ADD3: variants seen among roughly 807,000 people sequenced by gnomAD.
ADD3 encodes the protein adducin 3.
ADD3 carries 25 observed loss-of-function variants against 80.2 expected under a neutral mutation model. The ratio of observed to expected loss-of-function variants is 0.31; its 90% CI spans 0.23 to 0.44. The LOEUF (loss-of-function observed/expected upper bound fraction) is 0.44, where lower values mean the gene tolerates loss of function less well. Ranked by LOEUF, ADD3 falls within the 20% of genes least tolerant of loss-of-function variation. The pLI is 1.00. For missense variants in ADD3, 829 were observed against 847.5 expected (o/e 0.98, Z 0.27); for synonymous variants, 284 against 289.6 (o/e 0.98, Z 0.20).
rs111933000 is a variant in ADD3 at position 110,129,369 on chromosome 10, G to A, written c.1609-994G>A. ...TCTCCATGTTGGTCAGGCTAGTCTC[G>A]AACTCTGGACCTCAGGTGATCTGCT... is the stretch of plus-strand genomic sequence containing the variant. On this transcript the variant is annotated intron_variant, in intron 12 of 14. Coordinates refer to ENST00000356080, the MANE Select transcript of ADD3 (RefSeq NM_016824.5). Among the ~76,000 whole-genome samples, 52 of 151,984 alleles carry A rather than the reference G, an allele frequency of 3.4e-4. No individual in the cohort carries two copies. The East Asian group carries it at 5.2e-3, about 15-fold the overall frequency.
chr10:110,108,493 C>T (rs1262527629), intron 2 of ADD3, among the ~76,000 whole-genome samples: 1 of 151,990 alleles, frequency 6.6e-6, no homozygotes, highest in African/African-American at 2.4e-5. Flanking sequence ...TGTGGTGAGA[C>T]TCAAATATAT....
chr10:110,112,885 T>C lies in ADD3; in HGVS notation c.304T>C (p.Ser102Pro), dbSNP rs41291886. ...QQIADYIMAN[S>P]FSGFSSPPLS... Reference sequence around the variant, plus strand: ...GATTGCAGATTACATCATGGCCAATTCTTTCTCGGGTTTTTCTTCACCTCC... The same window carrying C: ...GATTGCAGATTACATCATGGCCAATCCTTTCTCGGGTTTTTCTTCACCTCC... Residue 102 changes from serine (S) to proline (P), a missense_variant, in exon 3 of 15, where the codon TCT (serine) becomes CCT (proline). Transcript: ENST00000356080. The C allele has an allele frequency of 2.3e-3, 3,702 of 1,613,978 alleles. 55 individuals are homozygous for C. In the African/African-American group the frequency reaches 0.04, roughly 18 times the overall value.
chr10:110,133,678 T>C lies in ADD3; in HGVS notation c.*60T>C, dbSNP rs1853360833. The C allele has an allele frequency of 1.5e-6, 2 of 1,345,720 alleles. No individual in the cohort carries two copies. The highest frequency in any genetic ancestry group is 3.1e-5 in the South Asian group (2 of 64,360). The allele number at this position is 1,345,720 out of a possible 1,614,324, so 83.4% of individuals were successfully genotyped here. On this transcript the variant is annotated 3_prime_UTR_variant, in exon 15 of 15. Transcript: ENST00000356080. ...TGACATTGCACATCTAAATACCACATTTAAGTTGATCATTAATATGCAATG... is the reference window on the plus strand; with the variant it reads ...TGACATTGCACATCTAAATACCACACTTAAGTTGATCATTAATATGCAATG...
chr10:110,003,302 G>GGGGGGTGTGTGTGTGTGTGT (rs140966434), upstream of ADD3, among the ~76,000 whole-genome samples: 21 of 147,028 alleles, frequency 1.4e-4, no homozygotes, highest in African/African-American at 3.6e-4. Flanking sequence ...GAACAGTAAG[G>GGGGGGTGTGTGTGTGTGTGT]GTGTGTGTGT....
At chr10:110,063,416 C>G (rs1486844889) in intron 1 of ADD3, among the ~76,000 whole-genome samples, 1 of 152,016 alleles carries the variant, frequency 6.6e-6, no homozygotes, top group Non-Finnish European at 1.5e-5. Flanking sequence ...GTTGATATTA[C>G]ATGGATCACT....
intron 1 of ADD3, among the ~76,000 whole-genome samples, chr10:110,099,408 C>T (rs988913800): frequency 6.6e-6 from 1 of 152,134 alleles, no homozygotes; most frequent in African/African-American, 2.4e-5. Flanking sequence ...TTCTCCCTTC[C>T]GTTTCCTTCC....
At chr10:110,043,729 TG>T (rs1856616234) in intron 1 of ADD3, among the ~76,000 whole-genome samples, 1 of 152,182 alleles carries the variant, frequency 6.6e-6, no homozygotes, top group Non-Finnish European at 1.5e-5. Flanking sequence ...ATAAACACTA[TG>T]GGGGATACAA....
chr10:110,124,490 T>A (rs1851894693), intron 10 of ADD3, among the ~76,000 whole-genome samples: 1 of 152,230 alleles, frequency 6.6e-6, no homozygotes, highest in Non-Finnish European at 1.5e-5. Context: ...TGTTTTTCTA[T>A]TTTATAGATG....
chr10:110,133,554 A>C lies in ADD3; in HGVS notation c.2057A>C (p.Lys686Thr). The change falls in exon 15 of 15, where the codon AAG (lysine) becomes ACG (threonine). Residue 686 changes from lysine to threonine, a missense_variant. Lys to Thr is a moderately conservative substitution (Grantham distance 78). Transcript: ENST00000356080. The stretch of plus-strand genomic sequence containing the variant: ...CCTTCAAAATCGCCATCCAAGAAAA[A>C]GAAGAAATTCCGCACTCCTTCTTTT... ...GSPSKSPSKK[K>T]KKFRTPSFLK... 1.2e-6 allele frequency: 2 copies of C among 1,611,678 alleles called. No homozygotes were observed. The highest frequency in any genetic ancestry group is 1.7e-6 in the Non-Finnish European group (2 of 1,179,190).
chr10:110,009,543 TA>T (rs1455932797), intron 1 of ADD3, among the ~76,000 whole-genome samples: 1 of 152,222 alleles, frequency 6.6e-6, no homozygotes, highest in Non-Finnish European at 1.5e-5. Flanking sequence ...TTAAGTTACT[TA>T]ACCCTATAAA....
chr10:110,060,459 G>A (rs1858746021), intron 1 of ADD3, among the ~76,000 whole-genome samples: 1 of 152,182 alleles, frequency 6.6e-6, no homozygotes, highest in Non-Finnish European at 1.5e-5. Flanking sequence ...GGATATTTTA[G>A]CCTAGTGCTA....
intron 1 of ADD3, among the ~76,000 whole-genome samples, chr10:110,011,734 A>G (rs1330542493): frequency 6.6e-6 from 1 of 152,274 alleles, no homozygotes; most frequent in Non-Finnish European, 1.5e-5. Flanking sequence ...TTAATTGGAC[A>G]GTCCTAGACT....
intron 1 of ADD3, among the ~76,000 whole-genome samples, chr10:110,073,913 C>T (rs1845076543): frequency 6.6e-6 from 1 of 151,528 alleles, no homozygotes; most frequent in Non-Finnish European, 1.5e-5. Context: ...ACAGTTTAGA[C>T]AGACCTTTTT....
chr10:110,038,424 G>T (rs1331452921), intron 1 of ADD3, among the ~76,000 whole-genome samples: 2 of 152,184 alleles, frequency 1.3e-5, no homozygotes, highest in Admixed American at 6.6e-5. Context: ...TCAAATCTGG[G>T]ACAGCAGCGT....
chr10:110,011,577 T>G (rs181450536), intron 1 of ADD3, among the ~76,000 whole-genome samples: 2 of 152,238 alleles, frequency 1.3e-5, no homozygotes, highest in African/African-American at 4.8e-5. Flanking sequence ...AAACACTGTT[T>G]TTGTTATAAT....
At chr10:110,003,558 G>A (rs962919836), upstream of ADD3, among the ~76,000 whole-genome samples, 1 of 152,076 alleles carries the variant, frequency 6.6e-6, no homozygotes, top group African/African-American at 2.4e-5. Flanking sequence ...GGTACAGCAC[G>A]TATTATAATC....
At chr10:110,067,085 G>A (rs932423799) in intron 1 of ADD3, among the ~76,000 whole-genome samples, 1 of 152,168 alleles carries the variant, frequency 6.6e-6, no homozygotes, top group Non-Finnish European at 1.5e-5. Context: ...GAAAGCAAAT[G>A]CTTGTTAACT....
intron 2 of ADD3, among the ~76,000 whole-genome samples, chr10:110,104,969 T>C (rs1849249554): frequency 6.6e-6 from 1 of 152,224 alleles, no homozygotes; most frequent in African/African-American, 2.4e-5. Context: ...TATATGTTTT[T>C]ATATCATCTT....
intron 1 of ADD3, among the ~76,000 whole-genome samples, chr10:110,054,909 T>C (rs896933142): frequency 1.3e-5 from 2 of 150,810 alleles, no homozygotes; most frequent in Admixed American, 6.6e-5. Flanking sequence ...CCACCGCGCC[T>C]GGCCTCCATG....
Sources: gnomAD v4.1 joint callset for allele counts (sites outside exome capture counted in the v4.1 genomes callset) on GRCh38, gnomAD v4.1.1 for gene constraint, MANE v1.5 for transcripts, NCBI Gene and HGNC (gene_info 2026-07-23, HGNC 2026-07-21) for gene names.